INSYN2B: variants seen among roughly 807,000 people sequenced by gnomAD.
INSYN2B encodes the protein protein INSYN2B.
In INSYN2B, 16 loss-of-function variants were observed where a neutral mutation model predicts 41.2. That is an observed-to-expected ratio of 0.39 (90% CI 0.26 to 0.59). The LOEUF (loss-of-function observed/expected upper bound fraction) is 0.59, where lower values mean the gene tolerates loss of function less well. Ranked by LOEUF, INSYN2B falls within the 20% of genes least tolerant of loss-of-function variation. The probability of loss-of-function intolerance (pLI) is 0.57; values close to 1 mark genes in which losing one functional copy is unlikely to be tolerated. For missense variants in INSYN2B, 608 were observed against 646.4 expected (o/e 0.94, Z 0.64); for synonymous variants, 245 against 244.4 (o/e 1.00, Z -0.02).
chr5:169,914,086 T>G (rs1467491843), intron 1 of INSYN2B, among the ~76,000 whole-genome samples: 1 of 152,204 alleles, frequency 6.6e-6, no homozygotes, highest in African/African-American at 2.4e-5. Flanking sequence ...AGAAAAAATA[T>G]GCATGCTCTG....
At chr5:169,907,800 T>C (rs1470430729) in intron 1 of INSYN2B, among the ~76,000 whole-genome samples, 2 of 152,156 alleles carry the variant, frequency 1.3e-5, no homozygotes, top group African/African-American at 4.8e-5. Flanking sequence ...TGGAAAAGTC[T>C]GGAGACATTT....
intron 1 of INSYN2B, among the ~76,000 whole-genome samples, chr5:169,927,857 C>T (rs1423373184): frequency 6.6e-6 from 1 of 152,134 alleles, no homozygotes; most frequent in Non-Finnish European, 1.5e-5. Context: ...ACCTCATGAT[C>T]CACCCGTCTC....
intron 1 of INSYN2B, among the ~76,000 whole-genome samples, chr5:169,911,894 T>C (rs1421655161): frequency 6.6e-6 from 1 of 152,206 alleles, no homozygotes; most frequent in Non-Finnish European, 1.5e-5. Flanking sequence ...CCCACTGTCA[T>C]CTTCACTACC....
At chr5:169,869,517 T>C (rs1278451945) in intron 3 of INSYN2B, among the ~76,000 whole-genome samples, 1 of 152,208 alleles carries the variant, frequency 6.6e-6, no homozygotes, top group African/African-American at 2.4e-5. Flanking sequence ...CACTACAGTT[T>C]GGAAGGGAGG....
In INSYN2B at chr5:169,978,391, G is replaced by T. The variant is rs1310855563; in HGVS notation, c.-919+1886C>A. ...GCTCTGTGTATGTGTGTGTGTGTGT[G>T]TGGGGGGGGGGGGGTGTAGGTGTGT... On this transcript the variant is annotated intron_variant, in intron 1 of 3. Transcript: ENST00000377365. Among the ~76,000 whole-genome samples, 25 of 45,170 alleles carry T rather than the reference G, an allele frequency of 5.5e-4. 1 individual carries two copies. Among genetic ancestry groups the T allele is most frequent in the African/African-American group, 1.7e-3 (25 of 15,138 alleles). The allele number at this position is 45,170 out of a possible 152,430, so 29.6% of individuals were successfully genotyped here. A position where few individuals can be genotyped will look rare whatever the true frequency, so the allele number is the denominator to read the frequency against.
intron 1 of INSYN2B, among the ~76,000 whole-genome samples, chr5:169,941,777 C>T (rs1268907095): frequency 1.3e-5 from 2 of 152,100 alleles, no homozygotes; most frequent in Non-Finnish European, 2.9e-5. Flanking sequence ...CATCGAATAC[C>T]ACACGCTTTC....
chr5:169,956,443 G>A (rs534813705), intron 1 of INSYN2B, among the ~76,000 whole-genome samples: 1 of 152,296 alleles, frequency 6.6e-6, no homozygotes, highest in South Asian at 2.1e-4. Context: ...AAAGATTACT[G>A]CAGCGACTTT....
intron 3 of INSYN2B, chr5:169,875,260 C>G (rs1219812411): frequency 2.2e-6 from 1 of 456,596 alleles, no homozygotes; most frequent in Non-Finnish European, 4.4e-6. Flanking sequence ...CCATCCTCCA[C>G]CCCACACTCT....
At chr5:169,921,723 C>T (rs979815042) in intron 1 of INSYN2B, among the ~76,000 whole-genome samples, 14 of 152,168 alleles carry the variant, frequency 9.2e-5, no homozygotes, top group African/African-American at 3.1e-4. Flanking sequence ...CCCAGGAGTA[C>T]ATTGAAATGA....
intron 1 of INSYN2B, among the ~76,000 whole-genome samples, chr5:169,953,512 G>A (rs1353162413): frequency 1.3e-5 from 2 of 152,126 alleles, no homozygotes; most frequent in Non-Finnish European, 2.9e-5. Flanking sequence ...ATGAGATTAA[G>A]TCCTGTATAA....
rs182888938 is a variant in INSYN2B, at chr5:169,923,234, T to A, written c.-918-38418A>T. Among the ~76,000 whole-genome samples the A allele has an allele frequency of 3.3e-4, 50 of 152,330 alleles. No homozygotes were observed. In the East Asian group the frequency reaches 4.2e-3, roughly 13 times the overall value. On this transcript the variant is annotated intron_variant, in intron 1 of 3. Transcript: ENST00000377365. ...GGATGGAGGGTGATTCAGATTGAGA[T>A]GTTTTCTTGGTGTAAACATGAGATG...
intron 3 of INSYN2B, among the ~76,000 whole-genome samples, chr5:169,864,798 A>G (rs867880792): frequency 6.6e-6 from 1 of 152,132 alleles, no homozygotes; most frequent in African/African-American, 2.4e-5. Context: ...CTGTCTCATT[A>G]TTAAAAAATT....
chr5:169,943,046 G>C (rs1377568415), intron 1 of INSYN2B, among the ~76,000 whole-genome samples: 1 of 152,278 alleles, frequency 6.6e-6, no homozygotes, highest in South Asian at 2.1e-4. Flanking sequence ...GAATGTGTTG[G>C]GCTGGGCTGG....
chr5:169,949,949 A>T (rs1472395121), intron 1 of INSYN2B, among the ~76,000 whole-genome samples: 1 of 152,130 alleles, frequency 6.6e-6, no homozygotes, highest in Non-Finnish European at 1.5e-5. Flanking sequence ...ACTGGCTTAG[A>T]TTATCCTCTG....
At chr5:169,917,650 G>C (rs1774950057) in intron 1 of INSYN2B, among the ~76,000 whole-genome samples, 1 of 152,160 alleles carries the variant, frequency 6.6e-6, no homozygotes, top group African/African-American at 2.4e-5. Context: ...AGTCCCAAAG[G>C]AATCAGACAT....
At chr5:169,935,371 C>T (rs1049721984) in intron 1 of INSYN2B, among the ~76,000 whole-genome samples, 5 of 152,024 alleles carry the variant, frequency 3.3e-5, no homozygotes, top group African/African-American at 1.2e-4. Flanking sequence ...TCCCATGGAA[C>T]CATCGCAGAG....
chr5:169,971,132 G>A (rs1777489606), intron 1 of INSYN2B, among the ~76,000 whole-genome samples: 1 of 151,946 alleles, frequency 6.6e-6, no homozygotes, highest in Non-Finnish European at 1.5e-5. Flanking sequence ...CAGAGGACAG[G>A]GAAGTGGGAC....
chr5:169,976,093 G>T (rs1005590879), intron 1 of INSYN2B, among the ~76,000 whole-genome samples: 32 of 152,068 alleles, frequency 2.1e-4, no homozygotes, highest in African/African-American at 7.7e-4. Flanking sequence ...ACATTCTTTT[G>T]GAGATGGGAA....
chr5:169,979,948 A>G (rs1777881651), intron 1 of INSYN2B, among the ~76,000 whole-genome samples: 1 of 152,174 alleles, frequency 6.6e-6, no homozygotes, highest in Admixed American at 6.5e-5. Flanking sequence ...AGTTTCTCTA[A>G]ACAAGGCTTA....
Sources: gnomAD v4.1 joint callset for allele counts (sites outside exome capture counted in the v4.1 genomes callset) on GRCh38, gnomAD v4.1.1 for gene constraint, MANE v1.5 for transcripts, NCBI Gene and HGNC (gene_info 2026-07-23, HGNC 2026-07-21) for gene names.